CRADD: variants seen among roughly 807,000 people sequenced by gnomAD.
The protein encoded by CRADD is CARD and death domain containing adaptor protein.
CRADD carries 9 observed loss-of-function variants against 15.5 expected under a neutral mutation model. That is an observed-to-expected ratio of 0.58 (90% CI 0.35 to 1.01). CRADD has a LOEUF of 1.01. CRADD is among the 50% of genes least tolerant of loss of function. The pLI is 0.02. For missense variants in CRADD, 227 were observed against 250.3 expected, an observed-to-expected ratio of 0.91 and a Z score of 0.63; for synonymous variants, 118 against 107.6, an observed-to-expected ratio of 1.10 and a Z score of -0.60.
rs1957716136 is a variant in CRADD, at chr12:93,817,378, T to C, written c.299-32592T>C. ...CGTGGAGCTTAACCAGGCAAAGTGC[T>C]TTACGTCTATGACCCTGTTGAATCA... is the stretch of plus-strand genomic sequence containing the variant. On this transcript the variant is annotated intron_variant, in intron 2 of 2. Transcript: ENST00000332896. Among the ~76,000 whole-genome samples the C allele has an allele frequency of 3.9e-5, 6 of 152,228 alleles. No homozygotes were observed. In the South Asian group the frequency reaches 1.2e-3, roughly 32 times the overall value.
rs775748568 is a variant in CRADD at position 93,850,565 on chromosome 12, G to GTGAAC, written c.*294_*295insTGAAC. On this transcript the variant is annotated 3_prime_UTR_variant, in exon 3 of 3. Coordinates refer to ENST00000332896, the MANE Select transcript of CRADD (RefSeq NM_003805.5). This position sits in a 1 kb window ranked among gnomAD's most constrained non-coding sequence, Gnocchi z 4.0. ...TTTTAATAGACTAGTAAATCACAGT[G>GTGAAC]GTTCAAAATATATATCCATATATAT... The GTGAAC allele has an allele frequency of 5.0e-5, 51 of 1,025,622 alleles. 1 individual carries two copies. In the East Asian group the frequency reaches 2.2e-3, roughly 44 times the overall value. The allele number at this position is 1,025,622 out of a possible 1,614,324, so 63.5% of individuals were successfully genotyped here. A position where few individuals can be genotyped will look rare whatever the true frequency, so the allele number is the denominator to read the frequency against.
chr12:93,681,424 T>C (rs1040394103), intron 2 of CRADD, among the ~76,000 whole-genome samples: 6 of 152,190 alleles, frequency 3.9e-5, no homozygotes, highest in Non-Finnish European at 7.4e-5. Flanking sequence ...ATTCGTACAG[T>C]CATCTTAATT....
chr12:93,710,082 G>A lies in CRADD; in HGVS notation c.298+31010G>A, dbSNP rs186176778. 2.0e-3 allele frequency among the ~76,000 whole-genome samples: 311 copies of A among 152,258 alleles called. 4 individuals are homozygous for A. Among genetic ancestry groups the A allele is most frequent in the African/African-American group, 7.1e-3 (294 of 41,552 alleles). ...TCTCACAATTTGGTGTGTTGGCTGG[G>A]TTCAGCTGAGTGGTTTTCTGTTCCA... On this transcript the variant is annotated intron_variant, in intron 2 of 2. Coordinates refer to ENST00000332896, the MANE Select transcript of CRADD (RefSeq NM_003805.5).
intron 2 of CRADD, among the ~76,000 whole-genome samples, chr12:93,778,865 T>C (rs1272877309): frequency 6.6e-6 from 1 of 152,140 alleles, no homozygotes; most frequent in African/African-American, 2.4e-5. Flanking sequence ...AACTCAACAA[T>C]GTAAGAGCAA....
intron 2 of CRADD, among the ~76,000 whole-genome samples, chr12:93,859,912 T>C (rs1465840256): frequency 6.7e-6 from 1 of 149,444 alleles, no homozygotes. Flanking sequence ...TTTTTTTATA[T>C]AGAGATGGGG....
intron 2 of CRADD, among the ~76,000 whole-genome samples, chr12:93,746,524 C>A (rs1049585955): frequency 1.3e-5 from 2 of 152,118 alleles, no homozygotes; most frequent in African/African-American, 4.8e-5. Context: ...AGAATGAAAA[C>A]TTTTATCATG....
intron 2 of CRADD, among the ~76,000 whole-genome samples, chr12:93,883,779 G>C (rs1200732513): frequency 6.6e-6 from 1 of 152,212 alleles, no homozygotes; most frequent in Admixed American, 6.5e-5. Flanking sequence ...GCTGCAGTGA[G>C]CTAGGATCCT....
chr12:93,796,220 A>C (rs1220335060), intron 2 of CRADD, among the ~76,000 whole-genome samples: 1 of 152,170 alleles, frequency 6.6e-6, no homozygotes, highest in African/African-American at 2.4e-5. Context: ...TTTTTCTGCC[A>C]TAGCCAACAG....
At chr12:93,746,753 C>T (rs1289495189) in intron 2 of CRADD, among the ~76,000 whole-genome samples, 3 of 151,514 alleles carry the variant, frequency 2.0e-5, no homozygotes, top group Non-Finnish European at 2.9e-5. Flanking sequence ...GTATTCAAAG[C>T]CATTGAGACC....
At chr12:93,741,488 A>G (rs914007920) in intron 2 of CRADD, among the ~76,000 whole-genome samples, 4 of 152,230 alleles carry the variant, frequency 2.6e-5, no homozygotes, top group Non-Finnish European at 2.9e-5. Context: ...AGTAAAAACA[A>G]TTTACTCTGT....
chr12:93,766,770 G>T (rs11107174), intron 2 of CRADD, among the ~76,000 whole-genome samples: 4,381 of 152,294 alleles, frequency 0.029, 204 homozygotes, highest in African/African-American at 0.099. Context: ...GGAAGATAAA[G>T]AGTCAGACTT....
At chr12:93,787,128 A>ATTT (rs11315592) in intron 2 of CRADD, among the ~76,000 whole-genome samples, 1 of 107,698 alleles carries the variant, frequency 9.3e-6, no homozygotes, top group Non-Finnish European at 1.8e-5. Flanking sequence ...TCTGCTGAAG[A>ATTT]TTTTTTTTTT....
At chr12:93,696,616 A>C (rs1333298181) in intron 2 of CRADD, among the ~76,000 whole-genome samples, 1 of 151,362 alleles carries the variant, frequency 6.6e-6, no homozygotes, top group East Asian at 1.9e-4. Flanking sequence ...CACAGAATGC[A>C]AAGGTTAGTT....
downstream of CRADD, among the ~76,000 whole-genome samples, chr12:93,854,091 T>A (rs752246954): frequency 7.9e-5 from 12 of 152,244 alleles, no homozygotes; most frequent in Non-Finnish European, 1.0e-4. Flanking sequence ...CCCCAAGATG[T>A]AATGGCTTAA....
chr12:93,770,596 TA>T (rs956516774), intron 2 of CRADD, among the ~76,000 whole-genome samples: 1 of 152,224 alleles, frequency 6.6e-6, no homozygotes, highest in African/African-American at 2.4e-5. Flanking sequence ...GCCTGTTCCA[TA>T]ACATAAATCA....
At chr12:93,869,280 A>G (rs1958398084) in intron 2 of CRADD, among the ~76,000 whole-genome samples, 1 of 152,200 alleles carries the variant, frequency 6.6e-6, no homozygotes, top group South Asian at 2.1e-4. Flanking sequence ...CAAGAAATTT[A>G]CCTGCCTACT....
intron 2 of CRADD, among the ~76,000 whole-genome samples, chr12:93,827,416 G>T (rs988300588): frequency 5.9e-5 from 9 of 152,082 alleles, no homozygotes; most frequent in African/African-American, 1.9e-4. Flanking sequence ...TTTAATGTAG[G>T]ACAGTATTTC....
At chr12:93,873,210 G>A (rs1343864374) in intron 2 of CRADD, among the ~76,000 whole-genome samples, 1 of 150,538 alleles carries the variant, frequency 6.6e-6, no homozygotes, top group African/African-American at 2.4e-5. Context: ...TCTTCAGATT[G>A]CTAACTGTTG....
chr12:93,836,712 T>C lies in CRADD; in HGVS notation c.299-13258T>C, dbSNP rs528644797. On this transcript the variant is annotated intron_variant, in intron 2 of 2. Transcript: ENST00000332896. Reference sequence around the variant, plus strand: ...TAAAGCTAAGTGAGTATGTTATCATTGTAATGAATCATTCCTTTTCATTCA... The same window carrying C: ...TAAAGCTAAGTGAGTATGTTATCATCGTAATGAATCATTCCTTTTCATTCA... Among the ~76,000 whole-genome samples, 46 of 152,374 alleles carry C rather than the reference T, an allele frequency of 3.0e-4. No individual in the cohort carries two copies. In the South Asian group the frequency reaches 9.3e-3, roughly 31 times the overall value.
Sources: allele counts gnomAD v4.1 joint callset (sites outside exome capture counted in the v4.1 genomes callset), GRCh38; gene constraint gnomAD v4.1.1; non-coding constraint Gnocchi (gnomAD v3.1); transcripts MANE v1.5; gene names NCBI Gene and HGNC (gene_info 2026-07-23, HGNC 2026-07-21).